The following CTDSPL2 variants were observed in gnomAD, a reference collection of about 807,000 sequenced individuals.
The protein encoded by CTDSPL2 is CTD small phosphatase like 2.
CTDSPL2 carries 5 observed loss-of-function variants against 60.0 expected under a neutral mutation model. That is an observed-to-expected ratio of 0.08 (90% CI 0.04 to 0.18). CTDSPL2 has a LOEUF of 0.18. CTDSPL2 is among the 10% of genes least tolerant of loss of function. CTDSPL2 has a pLI of 1.00. For synonymous variants in CTDSPL2, 186 were observed against 189.3 expected, an observed-to-expected ratio of 0.98 and a Z score of 0.14; for missense variants, 370 against 548.8, an observed-to-expected ratio of 0.67 and a Z score of 3.26.
chr15:44,492,053 G>A (rs574679586), intron 5 of CTDSPL2, among the ~76,000 whole-genome samples: 1 of 151,952 alleles, frequency 6.6e-6, no homozygotes, highest in Admixed American at 6.6e-5. Flanking sequence ...ACTTTTAGTA[G>A]AGACCAGGTT....
chr15:44,511,597 G>A (rs1444017092), intron 8 of CTDSPL2, among the ~76,000 whole-genome samples: 1 of 152,166 alleles, frequency 6.6e-6, no homozygotes, highest in African/African-American at 2.4e-5. Flanking sequence ...ATCACCAGGT[G>A]TGGTGGCTGA....
chr15:44,473,304 C>CT (rs892720338), intron 2 of CTDSPL2, among the ~76,000 whole-genome samples: 11 of 151,498 alleles, frequency 7.3e-5, no homozygotes, highest in South Asian at 4.2e-4. Context: ...CCTAGATTTT[C>CT]TTTTTTTTTG....
At chr15:44,523,545 C>T (rs971030592) in intron 12 of CTDSPL2, among the ~76,000 whole-genome samples, 1 of 152,086 alleles carries the variant, frequency 6.6e-6, no homozygotes, top group East Asian at 1.9e-4. Flanking sequence ...GTTTGAGGCT[C>T]CAGTGAACCA....
At chr15:44,497,437 C>T (rs2081319136) in intron 7 of CTDSPL2, among the ~76,000 whole-genome samples, 1 of 152,132 alleles carries the variant, frequency 6.6e-6, no homozygotes, top group Admixed American at 6.5e-5. Flanking sequence ...GCGATCTCAG[C>T]TCACTGCAAG....
Position 44,484,297 on chromosome 15 carries a change from C to A in CTDSPL2, c.260C>A (p.Pro87Gln). Residue 87 changes from proline (P) to glutamine (Q), a missense_variant, in exon 3 of 13, where the codon CCA becomes CAA. Coordinates refer to ENST00000260327, the MANE Select transcript of CTDSPL2 (RefSeq NM_016396.3). ...DIDNNLITST[P>Q]RAGEKPNKQI... ...GATAACAATTTGATCACGTCAACAC[C>A]AAGAGCAGGAGAAAAACCTAACAAA... 1 of 1,612,862 alleles carries A rather than the reference C, an allele frequency of 6.2e-7. No homozygotes were observed. The highest frequency in any genetic ancestry group is 8.5e-7 in the Non-Finnish European group (1 of 1,179,182).
At chr15:44,502,159 G>A in intron 8 of CTDSPL2, 1 of 210,510 alleles carries the variant, frequency 4.8e-6, no homozygotes, top group South Asian at 6.9e-5. Flanking sequence ...TTATTGAGGT[G>A]AAATTTACAT....
At chr15:44,499,181 A>G (rs1732271030) in intron 7 of CTDSPL2, among the ~76,000 whole-genome samples, 1 of 152,020 alleles carries the variant, frequency 6.6e-6, no homozygotes, top group Non-Finnish European at 1.5e-5. Flanking sequence ...AGGCCAAGGC[A>G]TGTTCCTGAG....
At chr15:44,496,886 G>A in intron 6 of CTDSPL2, 141 bp from the exon 7 acceptor site, 1 of 522,044 alleles carries the variant, frequency 1.9e-6, no homozygotes, top group Non-Finnish European at 3.5e-6. Flanking sequence ...TAATTTGTAT[G>A]TTTTCACTTT....
Position 44,451,969 on chromosome 15 carries a change from C to A in CTDSPL2, c.-24-7022C>A, listed in dbSNP as rs910685635. On this transcript the variant is annotated intron_variant, in intron 1 of 12. Coordinates refer to ENST00000260327, the MANE Select transcript of CTDSPL2 (RefSeq NM_016396.3). ...AGATCTCAGCTGTAAAATTTTTAAA[C>A]TAGTAAATTCACTTCTAAGAAACTG... is the stretch of plus-strand genomic sequence containing the variant. Among the ~76,000 whole-genome samples the A allele has an allele frequency of 2.0e-5, 3 of 152,152 alleles. No individual in the cohort carries two copies. The South Asian group carries it at 6.2e-4, about 32-fold the overall frequency.
chr15:44,457,333 C>T (rs2080468433), intron 1 of CTDSPL2, among the ~76,000 whole-genome samples: 1 of 152,210 alleles, frequency 6.6e-6, no homozygotes, highest in African/African-American at 2.4e-5. Context: ...AACTTGCCTC[C>T]ACTTTTATAT....
chr15:44,455,832 A>G (rs1321660169), intron 1 of CTDSPL2, among the ~76,000 whole-genome samples: 4 of 74,850 alleles, frequency 5.3e-5, no homozygotes, highest in Non-Finnish European at 1.1e-4. Context: ...CCAGTATTTT[A>G]TTGAGGATTT....
chr15:44,503,200 G>C (rs142772856), intron 8 of CTDSPL2, among the ~76,000 whole-genome samples: 567 of 151,944 alleles, frequency 3.7e-3, no homozygotes, highest in Non-Finnish European at 5.2e-3. Flanking sequence ...TGTTTGAATG[G>C]GTCTATTTTT....
intron 8 of CTDSPL2, among the ~76,000 whole-genome samples, chr15:44,510,681 G>A (rs1450519781): frequency 1.3e-5 from 2 of 152,172 alleles, no homozygotes; most frequent in East Asian, 3.9e-4. Flanking sequence ...GAAGTAGGCA[G>A]CTCAGGAAAG....
At chr15:44,442,243 G>A (rs1420615923) in intron 1 of CTDSPL2, among the ~76,000 whole-genome samples, 1 of 152,116 alleles carries the variant, frequency 6.6e-6, no homozygotes, top group Non-Finnish European at 1.5e-5. Flanking sequence ...CTGAGGTCAC[G>A]AGTTCGAGAC....
At chr15:44,522,404 C>G (rs1379997376) in intron 12 of CTDSPL2, among the ~76,000 whole-genome samples, 1 of 152,124 alleles carries the variant, frequency 6.6e-6, no homozygotes, top group African/African-American at 2.4e-5. Flanking sequence ...GATTGAATGT[C>G]TTTACTATTT....
chr15:44,429,780 C>T (rs1456245426), intron 1 of CTDSPL2, among the ~76,000 whole-genome samples: 2 of 152,168 alleles, frequency 1.3e-5, no homozygotes, highest in African/African-American at 2.4e-5. Flanking sequence ...ACAGGAGAAT[C>T]GCTTGAACCC....
At chr15:44,452,207 C>T (rs957519601) in intron 1 of CTDSPL2, among the ~76,000 whole-genome samples, 8 of 151,968 alleles carry the variant, frequency 5.3e-5, no homozygotes, top group East Asian at 1.9e-4. Flanking sequence ...CATTAGAGGG[C>T]GTTTCATTTC....
chr15:44,519,328 G>T, intron 11 of CTDSPL2, 33 bp downstream of exon 11: 2 of 1,519,852 alleles, frequency 1.3e-6, no homozygotes, highest in South Asian at 2.7e-5. Context: ...AACTCAGATT[G>T]GAAAAAATAC....
At chr15:44,488,052 G>T (rs2081151141) in intron 4 of CTDSPL2, among the ~76,000 whole-genome samples, 1 of 151,370 alleles carries the variant, frequency 6.6e-6, no homozygotes, top group Non-Finnish European at 1.5e-5. Flanking sequence ...GGAGGCTGCA[G>T]TGAGCTGAGA....
Sources: allele counts gnomAD v4.1 joint callset (sites outside exome capture counted in the v4.1 genomes callset), GRCh38; gene constraint gnomAD v4.1.1; transcripts MANE v1.5; gene names NCBI Gene and HGNC (gene_info 2026-07-23, HGNC 2026-07-21).